Variants in MYRIP observed in about 807,000 individuals in gnomAD.
MYRIP encodes the protein rab effector MyRIP.
Under a neutral mutation model 98.0 loss-of-function variants are expected in MYRIP, and 49 were observed. That is an observed-to-expected ratio of 0.50 (90% CI 0.40 to 0.63). The LOEUF is 0.63. Ranked by LOEUF, MYRIP falls within the 30% of genes least tolerant of loss-of-function variation. The pLI, the probability that MYRIP is intolerant of heterozygous loss-of-function variation, is 0.00. For missense variants in MYRIP, 1,004 were observed against 1,058.2 expected (o/e 0.95, Z 0.71); for synonymous variants, 404 against 409.5 (o/e 0.99, Z 0.16).
In MYRIP at chr3:40,213,643, C is replaced by T. The variant is rs148019812; in HGVS notation, c.1905+3550C>T. 7.9e-4 allele frequency among the ~76,000 whole-genome samples: 120 copies of T among 151,110 alleles called. 1 individual carries two copies. The East Asian group carries it at 0.02, about 25-fold the overall frequency. ...ACACACACACAGACACACACACACACTCTTTGGGGAGTAGATCTACGGTAA... is the reference window on the plus strand; with the variant it reads ...ACACACACACAGACACACACACACATTCTTTGGGGAGTAGATCTACGGTAA... On this transcript the variant is annotated intron_variant, in intron 11 of 16. Transcript: ENST00000302541.
intron 2 of MYRIP, among the ~76,000 whole-genome samples, chr3:39,945,122 T>C (rs537435841): frequency 1.3e-5 from 2 of 152,000 alleles, no homozygotes; most frequent in African/African-American, 4.8e-5. Flanking sequence ...TGCTTAAGGT[T>C]CACAGATAGT....
intron 8 of MYRIP, among the ~76,000 whole-genome samples, chr3:40,179,466 C>T (rs1236635378): frequency 6.6e-6 from 1 of 152,126 alleles, no homozygotes; most frequent in African/African-American, 2.4e-5. Context: ...AAAAGGACCC[C>T]AGCCACCACA....
chr3:39,833,555 G>A (rs1559490203), intron 1 of MYRIP, among the ~76,000 whole-genome samples: 2 of 144,920 alleles, frequency 1.4e-5, no homozygotes, highest in Admixed American at 6.9e-5. Context: ...TATAGAAATT[G>A]AGAATCAGTG....
intron 8 of MYRIP, among the ~76,000 whole-genome samples, chr3:40,177,393 A>T (rs1664830619): frequency 6.6e-6 from 1 of 152,120 alleles, no homozygotes; most frequent in African/African-American, 2.4e-5. Context: ...GGAGGGCCCT[A>T]AACCTGTGGC....
intron 1 of MYRIP, among the ~76,000 whole-genome samples, chr3:39,872,553 G>T (rs1350791854): frequency 7.3e-6 from 1 of 136,246 alleles, no homozygotes; most frequent in Non-Finnish European, 1.5e-5. Context: ...TGTTCTCATT[G>T]TTCAATTCCC....
At chr3:40,252,271 G>A (rs758456981) in intron 16 of MYRIP, among the ~76,000 whole-genome samples, 75 of 152,044 alleles carry the variant, frequency 4.9e-4, no homozygotes, top group African/African-American at 7.7e-4. Flanking sequence ...AACTTTCTAC[G>A]CAAGTATAGA....
intron 11 of MYRIP, among the ~76,000 whole-genome samples, chr3:40,212,851 G>A (rs1415992976): frequency 1.3e-5 from 2 of 152,242 alleles, no homozygotes; most frequent in East Asian, 1.9e-4. Context: ...CCAGGAGGTT[G>A]AGGCTGCAGT....
At chr3:40,211,622 G>C (rs1046578755) in intron 11 of MYRIP, among the ~76,000 whole-genome samples, 1 of 152,198 alleles carries the variant, frequency 6.6e-6, no homozygotes, top group African/African-American at 2.4e-5. Flanking sequence ...CTGCATTACA[G>C]TCAGATTTGT....
chr3:40,252,737 G>A (rs1293579651), intron 16 of MYRIP, among the ~76,000 whole-genome samples: 2 of 152,202 alleles, frequency 1.3e-5, no homozygotes, highest in South Asian at 2.1e-4. Flanking sequence ...TACCAAGCCT[G>A]TTGATAGCTG....
intron 10 of MYRIP, among the ~76,000 whole-genome samples, chr3:40,192,413 T>C (rs956035968): frequency 6.7e-6 from 1 of 149,038 alleles, no homozygotes; most frequent in Non-Finnish European, 1.5e-5. Flanking sequence ...TAGTATAATG[T>C]AAAAAATACT....
chr3:40,090,212 G>A (rs1948715800), intron 3 of MYRIP, among the ~76,000 whole-genome samples: 2 of 152,238 alleles, frequency 1.3e-5, no homozygotes, highest in Admixed American at 6.5e-5. Context: ...TGAAGATTAT[G>A]ATGATCACGG....
chr3:40,000,114 C>T (rs1473963884), intron 2 of MYRIP, among the ~76,000 whole-genome samples: 1 of 151,770 alleles, frequency 6.6e-6, no homozygotes, highest in Admixed American at 6.6e-5. Flanking sequence ...CAACATGGCA[C>T]ATGTATACCT....
At chr3:39,988,906 G>C (rs919565097) in intron 2 of MYRIP, among the ~76,000 whole-genome samples, 57 of 151,750 alleles carry the variant, frequency 3.8e-4, no homozygotes, top group African/African-American at 1.3e-3. Flanking sequence ...CTATTTAGCA[G>C]CTCCTGTAGC....
chr3:40,212,179 CGTGT>C (rs1951963479), intron 11 of MYRIP, among the ~76,000 whole-genome samples: 1 of 5,064 alleles, frequency 2.0e-4, no homozygotes, highest in Admixed American at 3.1e-3. Flanking sequence ...CATATATATA[CGTGT>C]ATGTGTATAT....
intron 2 of MYRIP, among the ~76,000 whole-genome samples, chr3:40,014,632 G>A (rs188194733): frequency 3.3e-5 from 5 of 152,098 alleles, no homozygotes; most frequent in Non-Finnish European, 5.9e-5. Context: ...CACTCTTCCT[G>A]TACTTCCTAT....
chr3:39,876,066 T>G (rs1446598892), intron 1 of MYRIP, among the ~76,000 whole-genome samples: 1 of 152,204 alleles, frequency 6.6e-6, no homozygotes, highest in Non-Finnish European at 1.5e-5. Context: ...TAGCTCTTCT[T>G]GTTGAATTGA....
intron 2 of MYRIP, among the ~76,000 whole-genome samples, chr3:39,907,222 A>G (rs1175814329): frequency 6.6e-6 from 1 of 152,210 alleles, no homozygotes; most frequent in Non-Finnish European, 1.5e-5. Context: ...TTTTCTTCAC[A>G]TCTACAGTGT....
intron 2 of MYRIP, among the ~76,000 whole-genome samples, chr3:39,982,335 TAC>T (rs1945914993): frequency 6.6e-6 from 1 of 152,186 alleles, no homozygotes; most frequent in Non-Finnish European, 1.5e-5. Context: ...CAGCACCATA[TAC>T]ATGTATGTAC....
intron 10 of MYRIP, among the ~76,000 whole-genome samples, chr3:40,206,842 C>T (rs373091699): frequency 6.6e-6 from 1 of 152,156 alleles, no homozygotes; most frequent in Admixed American, 6.5e-5. Context: ...AGACATGAAA[C>T]GTGGACAAAT....
Sources: allele counts gnomAD v4.1 joint callset (sites outside exome capture counted in the v4.1 genomes callset), GRCh38; gene constraint gnomAD v4.1.1; transcripts MANE v1.5; gene names NCBI Gene and HGNC (gene_info 2026-07-23, HGNC 2026-07-21).